Variants in FAM135B observed in about 807,000 individuals in gnomAD.
FAM135B encodes the protein family with sequence similarity 135 member B.
Under a neutral mutation model 127.7 loss-of-function variants are expected in FAM135B, and 43 were observed. That is an observed-to-expected ratio of 0.34 (90% confidence interval 0.26 to 0.43). FAM135B has a LOEUF of 0.43. FAM135B is among the 20% of genes least tolerant of loss of function. The probability of loss-of-function intolerance (pLI) is 1.00; values close to 1 mark genes in which losing one functional copy is unlikely to be tolerated. For synonymous variants in FAM135B, 670 were observed against 665.1 expected (o/e 1.01, Z -0.11); for missense variants, 1,558 against 1,725.6 (o/e 0.90, Z 1.72).
intron 2 of FAM135B, among the ~76,000 whole-genome samples, chr8:138,363,251 T>C (rs1830542337): frequency 1.3e-5 from 2 of 152,150 alleles, no homozygotes; most frequent in South Asian, 4.1e-4. Context: ...TAGTGAAAAT[T>C]TAGTTGGCAT....
intron 12 of FAM135B, 38 bp downstream of exon 12, chr8:138,167,857 C>A (rs375890468): frequency 2.5e-6 from 4 of 1,575,768 alleles, no homozygotes; most frequent in Non-Finnish European, 3.5e-6. Flanking sequence ...CACTGGAAAG[C>A]CTTATTCCTG....
chr8:138,223,045 T>C (rs947631729), intron 7 of FAM135B, among the ~76,000 whole-genome samples: 4 of 151,988 alleles, frequency 2.6e-5, no homozygotes, highest in African/African-American at 9.7e-5. Flanking sequence ...GGTACACAGG[T>C]GTTAGAGGGT....
intron 1 of FAM135B, among the ~76,000 whole-genome samples, chr8:138,463,002 A>C (rs1475679846): frequency 6.6e-6 from 1 of 152,238 alleles, no homozygotes; most frequent in East Asian, 1.9e-4. Flanking sequence ...AAGACCAAGA[A>C]GTAATAATAA....
chr8:138,322,918 G>A (rs531627359), intron 2 of FAM135B, among the ~76,000 whole-genome samples: 2 of 152,296 alleles, frequency 1.3e-5, no homozygotes, highest in South Asian at 4.1e-4. Context: ...AGAGGCCTTG[G>A]TGTTCCAAAA....
At position 138,373,430 on chromosome 8, in the gene FAM135B, T is replaced by C. The variant is rs538598830; in HGVS notation, c.-19-5428A>G. Among the ~76,000 whole-genome samples the C allele has an allele frequency of 6.6e-5, 10 of 150,830 alleles. No individual in the cohort carries two copies. In the South Asian group the frequency reaches 1.5e-3, roughly 23 times the overall value. On this transcript the variant is annotated intron_variant, in intron 1 of 19. Coordinates refer to ENST00000395297, the MANE Select transcript of FAM135B (RefSeq NM_015912.4). ...TTACTTTAATCTCTTAATCCTGTCA[T>C]CTCGTAAGCCGAGGAGGATGTATGT... is the stretch of plus-strand genomic sequence containing the variant.
At chr8:138,390,774 G>A (rs929456808) in intron 1 of FAM135B, among the ~76,000 whole-genome samples, 7 of 152,216 alleles carry the variant, frequency 4.6e-5, no homozygotes, top group African/African-American at 7.2e-5. Flanking sequence ...GTGGGGATGC[G>A]GTCAGCTCTA....
chr8:138,353,541 A>AAT (rs1408189017), intron 2 of FAM135B, among the ~76,000 whole-genome samples: 3 of 152,076 alleles, frequency 2.0e-5, no homozygotes, highest in Admixed American at 6.6e-5. Flanking sequence ...TTCACCTTCA[A>AAT]ATATATATAA....
At chr8:138,372,851 A>G (rs1289423113) in intron 1 of FAM135B, among the ~76,000 whole-genome samples, 1 of 152,094 alleles carries the variant, frequency 6.6e-6, no homozygotes, top group Admixed American at 6.5e-5. Flanking sequence ...GGAGCTTTCT[A>G]GCCATCCCAG....
chr8:138,159,887 A>T (rs891267218), intron 12 of FAM135B, among the ~76,000 whole-genome samples: 1 of 152,138 alleles, frequency 6.6e-6, no homozygotes, highest in African/African-American at 2.4e-5. Context: ...CTAACCAGGG[A>T]CTCATGATGC....
At chr8:138,465,422 G>A (rs1837333218) in intron 1 of FAM135B, among the ~76,000 whole-genome samples, 1 of 152,072 alleles carries the variant, frequency 6.6e-6, no homozygotes, top group Non-Finnish European at 1.5e-5. Context: ...GTAAGTAAGG[G>A]GTGGTACCAC....
chr8:138,305,981 C>CA (rs1172538857), intron 3 of FAM135B, among the ~76,000 whole-genome samples: 3 of 152,030 alleles, frequency 2.0e-5, no homozygotes, highest in African/African-American at 4.8e-5. Flanking sequence ...ATGATTACTA[C>CA]AAAGAATAGT....
chr8:138,443,082 T>C (rs1835900926), intron 1 of FAM135B, among the ~76,000 whole-genome samples: 1 of 151,968 alleles, frequency 6.6e-6, no homozygotes. Context: ...CCCCAGTAGG[T>C]CCTATCTCAA....
chr8:138,219,240 T>A (rs16908616), intron 7 of FAM135B, among the ~76,000 whole-genome samples: 1 of 152,234 alleles, frequency 6.6e-6, no homozygotes, highest in East Asian at 1.9e-4. Context: ...AGATAGGAAG[T>A]GGGGAGTTTC....
chr8:138,198,821 C>CA (rs35697233), intron 7 of FAM135B, among the ~76,000 whole-genome samples: 112,740 of 152,012 alleles, frequency 0.74, 42,219 homozygotes, highest in East Asian at 0.82. Context: ...AGGTGAATTT[C>CA]AAAGAGATTT....
intron 18 of FAM135B, 79 bp downstream of exon 18, chr8:138,138,907 G>T: frequency 1.1e-6 from 1 of 916,366 alleles, no homozygotes; most frequent in Non-Finnish European, 1.8e-6. Flanking sequence ...AATCAATGTA[G>T]CATTATATCT....
chr8:138,302,275 A>G (rs2130850695), intron 3 of FAM135B, among the ~76,000 whole-genome samples: 1 of 152,170 alleles, frequency 6.6e-6, no homozygotes, highest in South Asian at 2.1e-4. Context: ...GGTACTCTAG[A>G]GACAGAGGTT....
chr8:138,170,554 A>C (rs1205641569), intron 11 of FAM135B, among the ~76,000 whole-genome samples: 1 of 152,186 alleles, frequency 6.6e-6, no homozygotes, highest in South Asian at 2.1e-4. Flanking sequence ...AATGTGGTTT[A>C]AGAAATGCGA....
chr8:138,324,698 G>C (rs928304076), intron 2 of FAM135B, among the ~76,000 whole-genome samples: 8 of 152,102 alleles, frequency 5.3e-5, no homozygotes, highest in African/African-American at 1.9e-4. Context: ...AGAAAAACAA[G>C]GTAAGATTGA....
chr8:138,400,955 T>C (rs150002141), intron 1 of FAM135B, among the ~76,000 whole-genome samples: 1 of 152,352 alleles, frequency 6.6e-6, no homozygotes, highest in African/African-American at 2.4e-5. Flanking sequence ...AGATCTCTGA[T>C]AAGATTGCAA....
Sources: gnomAD v4.1 joint callset for allele counts (sites outside exome capture counted in the v4.1 genomes callset) on GRCh38, gnomAD v4.1.1 for gene constraint, MANE v1.5 for transcripts, NCBI Gene and HGNC (gene_info 2026-07-23, HGNC 2026-07-21) for gene names.